Variants in ATG7 observed in about 807,000 individuals in gnomAD.
ATG7 encodes the protein ubiquitin-like modifier-activating enzyme ATG7.
In ATG7, 70 loss-of-function variants were observed where a neutral mutation model predicts 82.4. That is an observed-to-expected ratio of 0.85 (90% confidence interval 0.70 to 1.04). The LOEUF is 1.04. ATG7 is among the 50% of genes least tolerant of loss of function. The pLI, the probability that ATG7 is intolerant of heterozygous loss-of-function variation, is 0.00. For missense variants in ATG7, 792 were observed against 864.3 expected (o/e 0.92, Z 1.05); for synonymous variants, 287 against 313.0 (o/e 0.92, Z 0.88).
At position 11,315,325 on chromosome 3, in the gene ATG7, A is replaced by G. The variant is rs199927820; in HGVS notation, c.529-19A>G. On this transcript the variant is annotated intron_variant, in intron 8 of 20. Transcript: ENST00000693202. ...AAATGTAATTTTCTAGAGAATAACAACGTGTTTTCTGTTTTCAGATTGAAG... is the reference window on the plus strand; with the variant it reads ...AAATGTAATTTTCTAGAGAATAACAGCGTGTTTTCTGTTTTCAGATTGAAG... 22 of 1,534,048 alleles carry G rather than the reference A, an allele frequency of 1.4e-5. No homozygotes were observed. The African/African-American group carries it at 2.5e-4, about 18-fold the overall frequency.
At chr3:11,354,411 A>G (rs1425488486) in intron 14 of ATG7, among the ~76,000 whole-genome samples, 1 of 152,120 alleles carries the variant, frequency 6.6e-6, no homozygotes, top group East Asian at 1.9e-4. Flanking sequence ...GTGCTTTGGG[A>G]GGCTGAGGCG....
At position 11,556,706 on chromosome 3, in the gene ATG7, C is replaced by CA. The variant is rs765220541; in HGVS notation, c.*1869dup. 2 of 152,656 alleles carry CA rather than the reference C, an allele frequency of 1.3e-5. No individual in the cohort carries two copies. Among genetic ancestry groups the CA allele is most frequent in the African/African-American group, 4.8e-5 (2 of 41,416 alleles). The allele number at this position is 152,656 out of a possible 1,614,324, so 9.5% of individuals were successfully genotyped here. A position where few individuals can be genotyped will look rare whatever the true frequency, so the allele number is the denominator to read the frequency against. ...ATATCATTAACAAATTAATGTTCTT[C>CA]AAAAAATACCTACAAATTTCTCTGT... On this transcript the variant is annotated 3_prime_UTR_variant, in exon 21 of 21. Transcript: ENST00000693202.
intron 20 of ATG7, among the ~76,000 whole-genome samples, chr3:11,508,887 C>T (rs1001178838): frequency 6.6e-5 from 10 of 152,210 alleles, no homozygotes; most frequent in African/African-American, 2.2e-4. Flanking sequence ...GTGATCTGCA[C>T]TTACAAAACT....
At chr3:11,472,119 G>C (rs564359674) in intron 20 of ATG7, among the ~76,000 whole-genome samples, 2 of 152,238 alleles carry the variant, frequency 1.3e-5, no homozygotes, top group South Asian at 4.1e-4. Flanking sequence ...CTCTCACACA[G>C]ATTTAAGCAA....
chr3:11,348,636 T>G (rs955821684), intron 14 of ATG7: 3 of 152,184 alleles, frequency 2.0e-5, no homozygotes, highest in African/African-American at 7.2e-5. Context: ...GCAGCAAGAT[T>G]TATTGTGAAG....
chr3:11,566,956 G>A, the ATG7 span, among the ~76,000 whole-genome samples: 2 of 152,166 alleles, frequency 1.3e-5, no homozygotes, highest in Non-Finnish European at 1.5e-5. Flanking sequence ...TGGAACTGTG[G>A]GTGGGCAGAA....
At chr3:11,275,515 A>AT (rs34040398) in intron 1 of ATG7, among the ~76,000 whole-genome samples, 21,821 of 109,164 alleles carry the variant, frequency 0.2, 2,794 homozygotes, top group East Asian at 0.31. Context: ...TGCCCGGCTA[A>AT]TTTTTTTTTT....
At chr3:11,376,300 T>C (rs899129041) in intron 18 of ATG7, among the ~76,000 whole-genome samples, 1 of 152,248 alleles carries the variant, frequency 6.6e-6, no homozygotes, top group Non-Finnish European at 1.5e-5. Context: ...CACTGAGCTG[T>C]ACAGTTTAAA....
chr3:11,482,592 C>T (rs1559716615), intron 20 of ATG7, among the ~76,000 whole-genome samples: 1 of 152,060 alleles, frequency 6.6e-6, no homozygotes, highest in Non-Finnish European at 1.5e-5. Flanking sequence ...GCTAGAATTC[C>T]ATTTGTTGAA....
intron 20 of ATG7, among the ~76,000 whole-genome samples, chr3:11,498,453 C>G (rs187776131): frequency 3.9e-5 from 6 of 152,252 alleles, no homozygotes; most frequent in African/African-American, 1.4e-4. Context: ...GCTATAATTT[C>G]CTTCACTTGC....
chr3:11,402,549 G>A (rs1197204657), intron 19 of ATG7, among the ~76,000 whole-genome samples: 2 of 152,204 alleles, frequency 1.3e-5, no homozygotes, highest in African/African-American at 2.4e-5. Context: ...CTGTGGATTT[G>A]ACCTAGGTTT....
chr3:11,480,281 T>G (rs966584508), intron 20 of ATG7, among the ~76,000 whole-genome samples: 1 of 152,086 alleles, frequency 6.6e-6, no homozygotes, highest in South Asian at 2.1e-4. Flanking sequence ...ATGCCTGTAA[T>G]GCCAGCACTT....
intron 20 of ATG7, among the ~76,000 whole-genome samples, chr3:11,538,744 C>G (rs2070564047): frequency 7.6e-6 from 1 of 131,570 alleles, no homozygotes; most frequent in African/African-American, 3.0e-5. Flanking sequence ...TGTGGTGGTG[C>G]AGGCCTGTGG....
chr3:11,360,000 G>A (rs969526556), intron 15 of ATG7, among the ~76,000 whole-genome samples: 5 of 152,158 alleles, frequency 3.3e-5, no homozygotes, highest in African/African-American at 1.2e-4. Flanking sequence ...CTGACTTTCA[G>A]TATCCTCATC....
At chr3:11,333,131 T>C (rs1020612591) in intron 11 of ATG7, 38 bp downstream of exon 11, 8 of 1,508,666 alleles carry the variant, frequency 5.3e-6, no homozygotes, top group Admixed American at 2.4e-5. Flanking sequence ...ATAATTATCA[T>C]TTATCAGAAA....
chr3:11,334,026 G>A (rs2152759053), intron 11 of ATG7, among the ~76,000 whole-genome samples: 1 of 152,218 alleles, frequency 6.6e-6, no homozygotes, highest in Middle Eastern at 3.4e-3. Context: ...TGGGATTACA[G>A]GCATGAGCCA....
intron 18 of ATG7, among the ~76,000 whole-genome samples, chr3:11,367,168 A>C (rs2076681409): frequency 1.3e-5 from 2 of 152,118 alleles, no homozygotes; most frequent in East Asian, 1.9e-4. Flanking sequence ...GAGTGAGTCC[A>C]TTTATGCAAC....
At chr3:11,377,019 G>A (rs550554626) in intron 18 of ATG7, among the ~76,000 whole-genome samples, 2 of 152,284 alleles carry the variant, frequency 1.3e-5, no homozygotes, top group African/African-American at 2.4e-5. Context: ...GATTACAGGC[G>A]TGAGCCACCG....
intron 20 of ATG7, among the ~76,000 whole-genome samples, chr3:11,553,026 T>C (rs1189134163): frequency 1.3e-5 from 2 of 152,258 alleles, no homozygotes; most frequent in African/African-American, 4.8e-5. Context: ...TGTTTGGTAC[T>C]GACCCTGCCC....
Sources: allele counts gnomAD v4.1 joint callset (sites outside exome capture counted in the v4.1 genomes callset), GRCh38; gene constraint gnomAD v4.1.1; transcripts MANE v1.5; gene names NCBI Gene and HGNC (gene_info 2026-07-23, HGNC 2026-07-21).